The following MAST2 variants were observed in gnomAD, a reference collection of about 807,000 sequenced individuals.
MAST2 encodes the protein microtubule-associated serine/threonine-protein kinase 2.
Under a neutral mutation model 147.4 loss-of-function variants are expected in MAST2, and 70 were observed. The ratio of observed to expected loss-of-function variants is 0.47; its 90% CI spans 0.39 to 0.58. The LOEUF is 0.58. Among genes scored for constraint, MAST2 ranks in the 20% least tolerant of loss-of-function variants. The pLI is 0.00. For synonymous variants in MAST2, 869 were observed against 896.8 expected, an observed-to-expected ratio of 0.97 and a Z score of 0.55; for missense variants, 2,080 against 2,302.3, an observed-to-expected ratio of 0.90 and a Z score of 1.98.
At chr1:45,828,127 G>A (rs1570262285) in intron 2 of MAST2, among the ~76,000 whole-genome samples, 1 of 152,196 alleles carries the variant, frequency 6.6e-6, no homozygotes, top group African/African-American at 2.4e-5. Context: ...CACAACACCT[G>A]TCCTGAAGTC....
At chr1:45,926,947 G>A (rs1654466372) in intron 4 of MAST2, among the ~76,000 whole-genome samples, 2 of 152,158 alleles carry the variant, frequency 1.3e-5, no homozygotes, top group African/African-American at 4.8e-5. Flanking sequence ...TAATCATGTA[G>A]GTTCTTTTAT....
At chr1:45,831,994 G>T (rs185529837) in intron 3 of MAST2, among the ~76,000 whole-genome samples, 14 of 152,150 alleles carry the variant, frequency 9.2e-5, no homozygotes, top group African/African-American at 3.4e-4. Flanking sequence ...TGGCCAGGCT[G>T]ATCTCGAACT....
At chr1:45,909,393 A>T (rs956614147) in intron 4 of MAST2, among the ~76,000 whole-genome samples, 1 of 152,174 alleles carries the variant, frequency 6.6e-6, no homozygotes, top group African/African-American at 2.4e-5. Context: ...CGTTAAACCT[A>T]TAAATTTTCC....
chr1:45,928,112 G>A (rs1179222553), intron 4 of MAST2, among the ~76,000 whole-genome samples: 2 of 152,120 alleles, frequency 1.3e-5, no homozygotes, highest in Non-Finnish European at 2.9e-5. Flanking sequence ...AAAGTAGAAA[G>A]ACTCATACTA....
chr1:45,993,609 A>C (rs377378100), intron 5 of MAST2, among the ~76,000 whole-genome samples: 19 of 152,232 alleles, frequency 1.2e-4, no homozygotes, highest in Non-Finnish European at 2.1e-4. Flanking sequence ...TTTTGAACCC[A>C]GGAGGCAGAG....
intron 1 of MAST2, among the ~76,000 whole-genome samples, chr1:45,815,928 A>C (rs1398266196): frequency 6.6e-6 from 1 of 152,196 alleles, no homozygotes; most frequent in African/African-American, 2.4e-5. Flanking sequence ...TGCTTGATCA[A>C]CATCTAACTA....
chr1:45,977,793 C>T (rs1374613332), intron 5 of MAST2, among the ~76,000 whole-genome samples: 2 of 67,802 alleles, frequency 2.9e-5, no homozygotes, highest in Non-Finnish European at 5.3e-5. Flanking sequence ...GAGCAAGACT[C>T]TTGTCTCAAA....
At chr1:45,958,551 CCTCTCCCT>C (rs796819524) in intron 4 of MAST2, among the ~76,000 whole-genome samples, 15 of 151,280 alleles carry the variant, frequency 9.9e-5, no homozygotes, top group African/African-American at 3.6e-4. Context: ...CCCCTCTCCC[CCTCTCCCT>C]CTCTCTCCCT....
intron 3 of MAST2, among the ~76,000 whole-genome samples, chr1:45,855,774 C>T (rs1645769239): frequency 6.6e-6 from 1 of 152,112 alleles, no homozygotes; most frequent in Non-Finnish European, 1.5e-5. Context: ...CATAGGCAAT[C>T]ATGTCATTTT....
At chr1:45,939,650 T>A (rs1239167138) in intron 4 of MAST2, among the ~76,000 whole-genome samples, 2 of 151,816 alleles carry the variant, frequency 1.3e-5, no homozygotes. Context: ...AAGTGATTCT[T>A]GTGCCTCAGC....
intron 3 of MAST2, among the ~76,000 whole-genome samples, 177 bp from the exon 4 acceptor site, chr1:45,882,187 G>A (rs1184706896): frequency 1.6e-5 from 2 of 126,300 alleles, no homozygotes; most frequent in African/African-American, 2.9e-5. Flanking sequence ...ATGAGACTCC[G>A]TCTCAAAAAA....
At chr1:46,030,502 A>T in intron 21 of MAST2, 105 bp from the exon 22 acceptor site, 1 of 1,359,970 alleles carries the variant, frequency 7.4e-7, no homozygotes, top group East Asian at 2.5e-5. Context: ...GAGGGATGGA[A>T]CCGACTGGTT....
chr1:45,829,782 G>A (rs1335409868), intron 3 of MAST2, among the ~76,000 whole-genome samples: 1 of 151,610 alleles, frequency 6.6e-6, no homozygotes. Flanking sequence ...GAACTCCTTG[G>A]CTGTAGTATT....
chr1:45,819,727 T>A (rs992676153), intron 1 of MAST2, among the ~76,000 whole-genome samples: 2 of 152,186 alleles, frequency 1.3e-5, no homozygotes, highest in African/African-American at 4.8e-5. Context: ...TATTTCATGT[T>A]CATGGATTGG....
intron 1 of MAST2, among the ~76,000 whole-genome samples, chr1:45,813,405 C>T (rs1047997687): frequency 6.6e-6 from 1 of 151,862 alleles, no homozygotes. Context: ...TCTCAGCTCA[C>T]TGGAACCTCT....
At chr1:46,019,403 C>G (rs7532204) in intron 10 of MAST2, among the ~76,000 whole-genome samples, 193 bp from the exon 11 acceptor site, 100,448 of 151,964 alleles carry the variant, frequency 0.66, 33,582 homozygotes, top group Non-Finnish European at 0.71. Context: ...ATGTAGTGTT[C>G]TAAAGCAGAA....
At chr1:46,020,439 T>C (rs960646951) in intron 11 of MAST2, among the ~76,000 whole-genome samples, 6 of 152,162 alleles carry the variant, frequency 3.9e-5, no homozygotes, top group African/African-American at 1.4e-4. Context: ...GGTTCTCGGC[T>C]CTGGAGTTTT....
At chr1:45,947,336 A>G (rs1658210314) in intron 4 of MAST2, among the ~76,000 whole-genome samples, 1 of 151,440 alleles carries the variant, frequency 6.6e-6, no homozygotes, top group African/African-American at 2.4e-5. Flanking sequence ...AAAAAACCCA[A>G]ACACCTCATA....
At chr1:45,984,307 A>ATT (rs376546439) in intron 5 of MAST2, among the ~76,000 whole-genome samples, 5 of 144,498 alleles carry the variant, frequency 3.5e-5, no homozygotes, top group Admixed American at 1.4e-4. Flanking sequence ...TTAATTTTTA[A>ATT]TTTTTTTTTT....
Sources: allele counts gnomAD v4.1 joint callset (sites outside exome capture counted in the v4.1 genomes callset), GRCh38; gene constraint gnomAD v4.1.1; transcripts MANE v1.5; gene names NCBI Gene and HGNC (gene_info 2026-07-23, HGNC 2026-07-21).